Variants in KMT2A observed in about 807,000 individuals in gnomAD.
KMT2A encodes histone-lysine N-methyltransferase 2A.
KMT2A carries 16 observed loss-of-function variants against 345.3 expected under a neutral mutation model. The ratio of observed to expected loss-of-function variants is 0.05; its 90% CI spans 0.03 to 0.07. The LOEUF is 0.07. Ranked by LOEUF, KMT2A falls within the 10% of genes least tolerant of loss-of-function variation. The pLI, the probability that KMT2A is intolerant of heterozygous loss-of-function variation, is 1.00. For missense variants in KMT2A, 3,272 were observed against 4,841.6 expected, an observed-to-expected ratio of 0.68 and a Z score of 9.62; for synonymous variants, 1,599 against 1,778.6, an observed-to-expected ratio of 0.90 and a Z score of 2.54.
rs1555043434 is a variant in KMT2A at position 118,494,676 on chromosome 11, G to A, written c.5290-18G>A. 1.2e-6 allele frequency: 2 copies of A among 1,609,370 alleles called. No individual in the cohort carries two copies. Among genetic ancestry groups the A allele is most frequent in the African/African-American group, 2.7e-5 (2 of 74,792 alleles). On this transcript the variant is annotated intron_variant, in intron 17 of 35. Coordinates refer to ENST00000534358, the MANE Select transcript of KMT2A (RefSeq NM_001197104.2). This position sits in a 1 kb window ranked among gnomAD's most constrained non-coding sequence, Gnocchi z 5.8. ...ATGAGTGTTTACATATTTACATTTT[G>A]TTTGTGTTTTCTTTTAGCAAATGGA...
intron 6 of KMT2A, among the ~76,000 whole-genome samples, 158 bp from the exon 7 acceptor site, chr11:118,481,557 A>G (rs1470257935): frequency 6.6e-6 from 1 of 152,238 alleles, no homozygotes; most frequent in Non-Finnish European, 1.5e-5. Context: ...TGCTGCAGGA[A>G]ACATGAGAGT....
In KMT2A at chr11:118,494,842, A is replaced by G; in HGVS notation, c.5363+75A>G. 8.2e-7 allele frequency: 1 copy of G among 1,216,890 alleles called. No individual in the cohort carries two copies. 75.4% of individuals were successfully genotyped at this position (1,216,890 alleles called of 1,614,324 possible). A position where few individuals can be genotyped will look rare whatever the true frequency, so the allele number is the denominator to read the frequency against. Reference sequence around the variant, plus strand: ...GAGAGTTCTCATATTTCTAGATTGCAGTTTTCCAAAAGGTTTTAATACTAG... The same window carrying G: ...GAGAGTTCTCATATTTCTAGATTGCGGTTTTCCAAAAGGTTTTAATACTAG... On this transcript the variant is annotated intron_variant, in intron 18 of 35. Coordinates refer to ENST00000534358, the MANE Select transcript of KMT2A (RefSeq NM_001197104.2). The surrounding 1 kb of genome is among the most constrained non-coding windows in gnomAD (Gnocchi z 5.8).
intron 31 of KMT2A, among the ~76,000 whole-genome samples, chr11:118,515,827 T>G (rs1318683166): frequency 2.0e-5 from 3 of 151,828 alleles, no homozygotes; most frequent in Non-Finnish European, 4.4e-5. Context: ...TAGCTGGGAC[T>G]ACAGGTACAC....
At chr11:118,518,041 C>G (rs1231170120) in intron 31 of KMT2A, among the ~76,000 whole-genome samples, 1 of 152,146 alleles carries the variant, frequency 6.6e-6, no homozygotes, top group Non-Finnish European at 1.5e-5. Flanking sequence ...AACTGTATGT[C>G]TGTTGGAATT....
At chr11:118,482,562 T>A in intron 8 of KMT2A, 67 bp downstream of exon 8, 1 of 1,169,552 alleles carries the variant, frequency 8.6e-7, no homozygotes, top group Non-Finnish European at 1.3e-6. Flanking sequence ...AAAAGCCTTA[T>A]CCTTGACTTC....
chr11:118,485,733 T>TA (rs1950215993), intron 10 of KMT2A, among the ~76,000 whole-genome samples: 1 of 152,050 alleles, frequency 6.6e-6, no homozygotes, highest in Non-Finnish European at 1.5e-5. Flanking sequence ...CTCATAATAA[T>TA]AAAAAACTGG....
Position 118,473,976 on chromosome 11 carries a change from T to G in KMT2A, c.2817T>G (p.His939Gln). The change falls in exon 3 of 36, where the codon CAT becomes CAG. Residue 939 changes from histidine to glutamine, a missense_variant. Physicochemically the swap from His to Gln is conservative, Grantham distance 24. Around this residue, in one of 27 missense-constraint regions of KMT2A, gnomAD observed 209 missense variants for 237.4 expected, o/e 0.88. Transcript: ENST00000534358. This position sits in a 1 kb window ranked among gnomAD's most constrained non-coding sequence, Gnocchi z 5.2. ...CAGGGCGGAAGAAGTCTTCATCACA[T>G]GATTCTGGGACTGATATTACTTCTG... ...KATGRKKSSS[H>Q]DSGTDITSVT... 1 of 1,613,938 alleles carries G rather than the reference T, an allele frequency of 6.2e-7. No homozygotes were observed. Among genetic ancestry groups the G allele is most frequent in the Non-Finnish European group, 8.5e-7 (1 of 1,179,924 alleles).
chr11:118,506,715 G>A (rs1950590786), intron 27 of KMT2A, 69 bp downstream of exon 27: 12 of 1,452,482 alleles, frequency 8.3e-6, no homozygotes, highest in African/African-American at 2.8e-5. Flanking sequence ...GGCTGTTGAT[G>A]TGGTAGTCCG....
At chr11:118,511,203 A>G (rs1207662369) in intron 30 of KMT2A, among the ~76,000 whole-genome samples, 5 of 152,244 alleles carry the variant, frequency 3.3e-5, no homozygotes, top group African/African-American at 1.2e-4. Flanking sequence ...TTTACTAATG[A>G]GAGTATTGCT....
At position 118,509,132 on chromosome 11, in the gene KMT2A, T is replaced by A. The variant is rs1555049380; in HGVS notation, c.10836-4T>A. The stretch of plus-strand genomic sequence containing the variant: ...ATTATATCTTACATTTGGTTTTTAT[T>A]TAGGCAAGTCGCTGTTCTTCCGGAA... On this transcript the variant is annotated splice_polypyrimidine_tract_variant and splice_region_variant and intron_variant, in intron 28 of 35. Transcript: ENST00000534358. 6.2e-7 allele frequency: 1 copy of A among 1,613,454 alleles called. No individual in the cohort carries two copies. The highest frequency in any genetic ancestry group is 8.5e-7 in the Non-Finnish European group (1 of 1,179,546).
chr11:118,462,328 T>A (rs1170996802), intron 1 of KMT2A, among the ~76,000 whole-genome samples: 2 of 152,128 alleles, frequency 1.3e-5, no homozygotes, highest in Admixed American at 6.6e-5. Context: ...TTTTGTTTTG[T>A]TTTGTTTTGT....
At chr11:118,444,944 G>A (rs1949388151) in intron 1 of KMT2A, among the ~76,000 whole-genome samples, 1 of 152,156 alleles carries the variant, frequency 6.6e-6, no homozygotes, top group African/African-American at 2.4e-5. Flanking sequence ...ATGCTTCATA[G>A]TCTCATTGTG....
rs782210802 is a variant in KMT2A, at chr11:118,506,623, G to A, written c.10731G>A (p.Thr3577=). The change falls in exon 27 of 36, where the codon ACG becomes ACA. Residue 3577 remains threonine, a synonymous_variant. Transcript: ENST00000534358. ...SSEAHIPDQE[T]TSLTSGTGTP... is the part of the protein sequence containing the mutation. ...AAGCACACATTCCAGACCAAGAAAC[G>A]ACATCCCTGACCTCAGGCACAGGGT... The A allele has an allele frequency of 2.1e-5, 33 of 1,606,254 alleles. No individual in the cohort carries two copies. The highest frequency in any genetic ancestry group is 2.7e-5 in the Non-Finnish European group (32 of 1,175,246).
chr11:118,512,307 C>T (rs951759362), intron 31 of KMT2A: 2 of 440,622 alleles, frequency 4.5e-6, no homozygotes, highest in Non-Finnish European at 8.0e-6. Flanking sequence ...TCCTCAGCCC[C>T]TGGCCACCAC....
chr11:118,436,986 C>G lies in KMT2A; in HGVS notation c.432+42C>G, dbSNP rs1414053733. ...CCCCCAGGTCCGGGGTCTCGACCCT[C>G]TGCGGAGCCCCCTCCCCTCCCCCAT... On this transcript the variant is annotated intron_variant, in intron 1 of 35. Coordinates refer to ENST00000534358, the MANE Select transcript of KMT2A (RefSeq NM_001197104.2). This position sits in a 1 kb window ranked among gnomAD's most constrained non-coding sequence, Gnocchi z 6.9. The G allele has an allele frequency of 7.2e-7, 1 of 1,381,772 alleles. No individual in the cohort carries two copies. The highest frequency in any genetic ancestry group is 1.6e-5 in the South Asian group (1 of 62,006). The allele number at this position is 1,381,772 out of a possible 1,614,324, so 85.6% of individuals were successfully genotyped here. A position where few individuals can be genotyped will look rare whatever the true frequency, so the allele number is the denominator to read the frequency against.
intron 31 of KMT2A, among the ~76,000 whole-genome samples, chr11:118,513,171 G>C (rs189184291): frequency 2.0e-5 from 3 of 152,220 alleles, no homozygotes; most frequent in Admixed American, 2.0e-4. Flanking sequence ...TGGAGCCTAG[G>C]AGTATGAGAC....
rs782228523 is a variant in KMT2A, at chr11:118,505,183, T to G, written c.9291T>G (p.Leu3097=). 6.2e-7 allele frequency: 1 copy of G among 1,614,132 alleles called. No individual in the cohort carries two copies. Among genetic ancestry groups the G allele is most frequent in the East Asian group, 2.2e-5 (1 of 44,886 alleles). The change falls in exon 27 of 36, where the codon CTT becomes CTG. Residue 3097 remains leucine (L), a synonymous_variant. Transcript: ENST00000534358. This position sits in a 1 kb window ranked among gnomAD's most constrained non-coding sequence, Gnocchi z 4.6. ...NMQPLYVLQT[L]PNGVTQKIQL... ...AGCCACTTTATGTTCTCCAAACTCT[T>G]CCAAATGGAGTGACCCAAAAAATCC...
chr11:118,512,033 C>A lies in KMT2A; in HGVS notation c.11146+8C>A, dbSNP rs2134439029. On this transcript the variant is annotated splice_region_variant and intron_variant, in intron 31 of 35. Transcript: ENST00000534358. The stretch of plus-strand genomic sequence containing the variant: ...AGCAGCTCTCATTTGCAGGTAATGG[C>A]TGGAGGTGTTATTCCACTCCTGTCT... 1 of 1,611,888 alleles carries A rather than the reference C, an allele frequency of 6.2e-7. No individual in the cohort carries two copies. The highest frequency in any genetic ancestry group is 8.5e-7 in the Non-Finnish European group (1 of 1,177,948).
Position 118,491,111 on chromosome 11 carries a change from A to G in KMT2A, c.4697-85A>G. 1 of 1,373,584 alleles carries G rather than the reference A, an allele frequency of 7.3e-7. No individual in the cohort carries two copies. The highest frequency in any genetic ancestry group is 1.0e-6 in the Non-Finnish European group (1 of 990,380). The allele number at this position is 1,373,584 out of a possible 1,614,324, so 85.1% of individuals were successfully genotyped here. On this transcript the variant is annotated intron_variant, in intron 13 of 35. Transcript: ENST00000534358. The surrounding 1 kb of genome is among the most constrained non-coding windows in gnomAD (Gnocchi z 4.2). Reference sequence around the variant, plus strand: ...TGATCCCAGAAGAATATAGATTTAGATTGGGTTGGTAAATGCAAGTCGAGG... The same window carrying G: ...TGATCCCAGAAGAATATAGATTTAGGTTGGGTTGGTAAATGCAAGTCGAGG...
Sources: gnomAD v4.1 joint callset for allele counts (sites outside exome capture counted in the v4.1 genomes callset) on GRCh38, gnomAD v4.1.1 for gene constraint, gnomAD v4.1.1 regional missense constraint, Gnocchi (gnomAD v3.1) non-coding constraint, MANE v1.5 for transcripts, NCBI Gene and HGNC (gene_info 2026-07-23, HGNC 2026-07-21) for gene names.